The following HS3ST4 variants were observed in gnomAD, a reference collection of about 807,000 sequenced individuals.
HS3ST4 encodes heparan sulfate glucosamine 3-O-sulfotransferase 4.
Under a neutral mutation model 29.2 loss-of-function variants are expected in HS3ST4, and 17 were observed. That is an observed-to-expected ratio of 0.58 (90% CI 0.40 to 0.87). The LOEUF (loss-of-function observed/expected upper bound fraction) is 0.87. HS3ST4 is among the 40% of genes least tolerant of loss of function. The probability of loss-of-function intolerance (pLI) is 0.00; values close to 1 mark genes in which losing one functional copy is unlikely to be tolerated. For missense variants in HS3ST4, 627 were observed against 634.5 expected (o/e 0.99, Z 0.13); for synonymous variants, 314 against 285.7 (o/e 1.10, Z -1.00).
intron 1 of HS3ST4, among the ~76,000 whole-genome samples, chr16:25,857,890 C>T (rs1337912981): frequency 2.0e-4 from 26 of 131,124 alleles, no homozygotes; most frequent in African/African-American, 5.3e-4. Flanking sequence ...TTCTTTCTTT[C>T]TTTTTCTTTC....
intron 1 of HS3ST4, among the ~76,000 whole-genome samples, chr16:25,817,644 CCTTTT>C (rs1196802252): frequency 2.6e-5 from 4 of 152,074 alleles, no homozygotes; most frequent in Non-Finnish European, 5.9e-5. Flanking sequence ...TGTTTCTGTG[CCTTTT>C]CTTTTATCTT....
chr16:25,844,642 G>C (rs1389965490), intron 1 of HS3ST4, among the ~76,000 whole-genome samples: 1 of 152,128 alleles, frequency 6.6e-6, no homozygotes, highest in African/African-American at 2.4e-5. Context: ...AAGACGGTGT[G>C]GCGATTCCTC....
intron 1 of HS3ST4, among the ~76,000 whole-genome samples, chr16:25,979,222 A>T (rs1968977478): frequency 6.6e-6 from 1 of 152,000 alleles, no homozygotes; most frequent in Non-Finnish European, 1.5e-5. Context: ...TAAGCTCTTG[A>T]TCTTGCTTCT....
chr16:25,749,502 G>A (rs1966705652), intron 1 of HS3ST4, among the ~76,000 whole-genome samples: 1 of 151,760 alleles, frequency 6.6e-6, no homozygotes, highest in Non-Finnish European at 1.5e-5. Context: ...TATCAAAAAA[G>A]AAGAAGAAGA....
chr16:25,914,119 G>T (rs1968268204), intron 1 of HS3ST4, among the ~76,000 whole-genome samples: 1 of 149,020 alleles, frequency 6.7e-6, no homozygotes, highest in African/African-American at 2.5e-5. Flanking sequence ...GTAGGGAGAG[G>T]GTATATGTGT....
At chr16:25,718,740 G>A (rs766940469) in intron 1 of HS3ST4, among the ~76,000 whole-genome samples, 2 of 152,190 alleles carry the variant, frequency 1.3e-5, no homozygotes, top group African/African-American at 2.4e-5. Flanking sequence ...CAGATAGGCA[G>A]TGGGATGCAT....
At chr16:25,840,639 A>G (rs1197911433) in intron 1 of HS3ST4, among the ~76,000 whole-genome samples, 1 of 152,236 alleles carries the variant, frequency 6.6e-6, no homozygotes, top group Non-Finnish European at 1.5e-5. Context: ...ACAATGGATC[A>G]TTAATTCATT....
chr16:26,119,034 A>G (rs1899236576), intron 1 of HS3ST4, among the ~76,000 whole-genome samples: 1 of 152,370 alleles, frequency 6.6e-6, no homozygotes, highest in South Asian at 2.1e-4. Context: ...AATAGTATCA[A>G]TGAAACATTA....
intron 1 of HS3ST4, among the ~76,000 whole-genome samples, chr16:26,102,158 A>C (rs974490378): frequency 6.6e-6 from 1 of 151,974 alleles, no homozygotes; most frequent in East Asian, 1.9e-4. Flanking sequence ...GGGTCAATAT[A>C]AAAAAAACAC....
intron 1 of HS3ST4, among the ~76,000 whole-genome samples, chr16:25,980,269 G>A (rs1233023886): frequency 6.6e-6 from 1 of 152,110 alleles, no homozygotes; most frequent in East Asian, 1.9e-4. Flanking sequence ...TAATCACAAC[G>A]TGCTCTCAGC....
intron 1 of HS3ST4, among the ~76,000 whole-genome samples, chr16:25,810,735 T>C (rs2141628169): frequency 6.6e-6 from 1 of 152,350 alleles, no homozygotes; most frequent in African/African-American, 2.4e-5. Flanking sequence ...CAAGTTAAAA[T>C]TAAATAAGTA....
rs1051885767 is a variant in HS3ST4, at chr16:25,692,464, C to G, written c.47C>G (p.Pro16Arg). Residue 16 changes from proline to arginine, a missense_variant, in exon 1 of 2, where the codon CCT becomes CGT. Physicochemically the swap from Pro to Arg is moderately radical, Grantham distance 103 (BLOSUM62 -2). Around this residue, in one of 2 missense-constraint regions of HS3ST4, gnomAD observed 402 missense variants for 340.8 expected, o/e 1.18. Coordinates refer to ENST00000331351, the MANE Select transcript of HS3ST4 (RefSeq NM_006040.3). ...CCTCCGCCTCCGCCTCCGCCTCCAC[C>G]TCTGGCCGCGCCGCCGCCGCCCGGC... is the stretch of plus-strand genomic sequence containing the variant. ...APPPPPPPPP[P>R]LAAPPPPGAS... 1 of 1,356,154 alleles carries G rather than the reference C, an allele frequency of 7.4e-7. No individual in the cohort carries two copies. The highest frequency in any genetic ancestry group is 1.6e-5 in the South Asian group (1 of 64,362). The allele number at this position is 1,356,154 out of a possible 1,614,324, so 84.0% of individuals were successfully genotyped here.
chr16:25,730,091 CT>C (rs1444976218), intron 1 of HS3ST4, among the ~76,000 whole-genome samples: 3 of 152,156 alleles, frequency 2.0e-5, no homozygotes, highest in African/African-American at 7.2e-5. Context: ...ATAGTTATTA[CT>C]TCTCAAAGGT....
At chr16:25,921,402 C>T (rs1050196723) in intron 1 of HS3ST4, among the ~76,000 whole-genome samples, 1 of 152,150 alleles carries the variant, frequency 6.6e-6, no homozygotes, top group African/African-American at 2.4e-5. Context: ...ATCTGTGATT[C>T]AGAGATTTTA....
At chr16:25,745,164 G>C (rs1340270971) in intron 1 of HS3ST4, among the ~76,000 whole-genome samples, 1 of 152,016 alleles carries the variant, frequency 6.6e-6, no homozygotes, top group Non-Finnish European at 1.5e-5. Flanking sequence ...TCTTTTGGCT[G>C]GGTAATTACA....
At chr16:25,997,399 T>C (rs1969167001) in intron 1 of HS3ST4, among the ~76,000 whole-genome samples, 1 of 152,196 alleles carries the variant, frequency 6.6e-6, no homozygotes, top group African/African-American at 2.4e-5. Context: ...TAGGTAGAAA[T>C]CTTTTCGTGG....
At chr16:26,017,974 A>T (rs558240014) in intron 1 of HS3ST4, among the ~76,000 whole-genome samples, 8 of 152,182 alleles carry the variant, frequency 5.3e-5, no homozygotes, top group African/African-American at 1.7e-4. Context: ...GGATTCTAGA[A>T]TCTGTTTCAT....
At chr16:25,740,971 A>G (rs989188267) in intron 1 of HS3ST4, among the ~76,000 whole-genome samples, 1 of 152,176 alleles carries the variant, frequency 6.6e-6, no homozygotes, top group Non-Finnish European at 1.5e-5. Flanking sequence ...TGGGCCTAGC[A>G]TAGATTTTTA....
intron 1 of HS3ST4, among the ~76,000 whole-genome samples, chr16:25,890,738 T>C (rs1388504170): frequency 6.6e-6 from 1 of 152,224 alleles, no homozygotes; most frequent in Admixed American, 6.5e-5. Context: ...TCTCAGGATA[T>C]TCATTTGCAT....
Sources: gnomAD v4.1 joint callset for allele counts (sites outside exome capture counted in the v4.1 genomes callset) on GRCh38, gnomAD v4.1.1 for gene constraint, gnomAD v4.1.1 regional missense constraint, MANE v1.5 for transcripts, NCBI Gene and HGNC (gene_info 2026-07-23, HGNC 2026-07-21) for gene names.